BMAL1: variants seen among roughly 807,000 people sequenced by gnomAD.
BMAL1 encodes basic helix-loop-helix ARNT like 1.
chr11:13,354,454 G>A, the BMAL1 span: 2 of 1,613,108 alleles, frequency 1.2e-6, no homozygotes, highest in Non-Finnish European at 1.7e-6. Context: ...TACCAGTAAG[G>A]CCTTTGGGGC....
At chr11:13,341,446 A>T in the BMAL1 span, among the ~76,000 whole-genome samples, 2,053 of 152,022 alleles carry the variant, frequency 0.014, 43 homozygotes, top group African/African-American at 0.047. Context: ...GGCTTTCTTC[A>T]CTGCGTCTCG....
the BMAL1 span, among the ~76,000 whole-genome samples, chr11:13,283,063 T>G: frequency 4.7e-4 from 72 of 152,314 alleles, no homozygotes; most frequent in African/African-American, 1.7e-3. Context: ...TTAGTCATCT[T>G]TGCTGCAGGG....
At chr11:13,323,489 ATGAGGT>A in the BMAL1 span, among the ~76,000 whole-genome samples, 85,305 of 134,738 alleles carry the variant, frequency 0.63, 24,067 homozygotes, top group Middle Eastern at 0.69. Context: ...TCCCCATGTT[ATGAGGT>A]CCCCATCATT....
chr11:13,354,241 C>T, the BMAL1 span: 2 of 1,373,058 alleles, frequency 1.5e-6, no homozygotes, highest in African/African-American at 1.5e-5. Flanking sequence ...CTGGGTTCTC[C>T]ACCACTTTTG....
At chr11:13,377,963 A>G in the BMAL1 span, among the ~76,000 whole-genome samples, 2 of 152,196 alleles carry the variant, frequency 1.3e-5, no homozygotes, top group Admixed American at 6.5e-5. Flanking sequence ...TGTCAAACTT[A>G]CAACATTTTG....
chr11:13,303,317 G>T, the BMAL1 span, among the ~76,000 whole-genome samples: 1 of 152,144 alleles, frequency 6.6e-6, no homozygotes, highest in Non-Finnish European at 1.5e-5. Context: ...GGGAAAAAAG[G>T]CCAAACTCCC....
chr11:13,317,434 C>A, the BMAL1 span, among the ~76,000 whole-genome samples: 4 of 152,208 alleles, frequency 2.6e-5, no homozygotes, highest in East Asian at 5.8e-4. Flanking sequence ...GGATGTATGA[C>A]CCACATTGGT....
the BMAL1 span, among the ~76,000 whole-genome samples, chr11:13,321,288 A>G: frequency 2.0e-5 from 3 of 152,138 alleles, no homozygotes; most frequent in Non-Finnish European, 4.4e-5. Context: ...TTGCCCATCA[A>G]TGAACAAACT....
At chr11:13,280,291 G>A in the BMAL1 span, among the ~76,000 whole-genome samples, 2 of 152,194 alleles carry the variant, frequency 1.3e-5, no homozygotes, top group Admixed American at 6.5e-5. Context: ...CATGCCACAG[G>A]GCAGGAAAAG....
At chr11:13,339,594 C>T in the BMAL1 span, among the ~76,000 whole-genome samples, 2 of 152,186 alleles carry the variant, frequency 1.3e-5, no homozygotes, top group Non-Finnish European at 2.9e-5. Flanking sequence ...TGCACCCCTA[C>T]CTTCCTTAGC....
the BMAL1 span, chr11:13,372,019 C>T: frequency 2.1e-5 from 24 of 1,154,488 alleles, no homozygotes; most frequent in Admixed American, 4.5e-5. Flanking sequence ...CTGCCCCTTT[C>T]ATTAGATGCT....
At chr11:13,300,879 G>A in the BMAL1 span, among the ~76,000 whole-genome samples, 2 of 152,122 alleles carry the variant, frequency 1.3e-5, no homozygotes, top group African/African-American at 2.4e-5. Context: ...TGAGCCTGAG[G>A]TATGTGTTGG....
At chr11:13,378,099 G>A in the BMAL1 span, among the ~76,000 whole-genome samples, 1 of 152,130 alleles carries the variant, frequency 6.6e-6, no homozygotes, top group Non-Finnish European at 1.5e-5. Context: ...AGTGCATGAA[G>A]GGAAAGAATT....
chr11:13,278,729 G>T, the BMAL1 span, among the ~76,000 whole-genome samples: 2 of 152,258 alleles, frequency 1.3e-5, no homozygotes, highest in Non-Finnish European at 2.9e-5. Context: ...CGGAGCCCGG[G>T]TGCGGGCCGG....
chr11:13,297,347 G>C, the BMAL1 span, among the ~76,000 whole-genome samples: 1 of 152,242 alleles, frequency 6.6e-6, no homozygotes, highest in African/African-American at 2.4e-5. Flanking sequence ...CATCAGTTGA[G>C]AGTCTACTGT....
chr11:13,277,719 T>G, the BMAL1 span: 2 of 3,378 alleles, frequency 5.9e-4, no homozygotes, highest in Non-Finnish European at 1.3e-3. Context: ...GAAGGGGGGT[T>G]GGGCACAGCG....
the BMAL1 span, among the ~76,000 whole-genome samples, chr11:13,336,950 T>G: frequency 6.6e-6 from 1 of 152,246 alleles, no homozygotes; most frequent in African/African-American, 2.4e-5. Flanking sequence ...TTCTATGATA[T>G]TGATATAGTT....
the BMAL1 span, chr11:13,356,400 T>C: frequency 9.3e-4 from 495 of 534,856 alleles, no homozygotes; most frequent in African/African-American, 7.8e-3. Flanking sequence ...AGAGGTTATA[T>C]AGATATTTCA....
chr11:13,385,274 CTG>C, the BMAL1 span, among the ~76,000 whole-genome samples: 5 of 152,226 alleles, frequency 3.3e-5, no homozygotes, highest in Admixed American at 6.5e-5. Context: ...ACTCCTTGAG[CTG>C]TGTCTCTTCA....
Sources: gnomAD v4.1 joint callset for allele counts (sites outside exome capture counted in the v4.1 genomes callset) on GRCh38, gnomAD v4.1.1 for gene constraint, MANE v1.5 for transcripts, NCBI Gene and HGNC (gene_info 2026-07-23, HGNC 2026-07-21) for gene names.